Variants in ROBO2 observed in about 807,000 individuals in gnomAD.
The protein encoded by ROBO2 is roundabout homolog 2.
In ROBO2, 53 loss-of-function variants were observed where a neutral mutation model predicts 160.8. The ratio of observed to expected loss-of-function variants is 0.33; its 90% confidence interval spans 0.26 to 0.41. ROBO2 has a LOEUF of 0.41. Among genes scored for constraint, ROBO2 ranks in the 10% least tolerant of loss-of-function variants. The pLI is 1.00. For missense variants in ROBO2, 1,577 were observed against 1,722.4 expected (o/e 0.92, Z 1.49); for synonymous variants, 664 against 611.7 (o/e 1.09, Z -1.26).
intron 2 of ROBO2, among the ~76,000 whole-genome samples, chr3:76,992,333 ATATATATATATATATATATAT>A (rs1578106821): frequency 4.4e-5 from 2 of 45,572 alleles, no homozygotes; most frequent in East Asian, 4.6e-3. Context: ...TACTATATAT[ATATATATATATATATATATAT>A]ATATATATAT....
intron 2 of ROBO2, among the ~76,000 whole-genome samples, chr3:77,238,091 T>G (rs1423884438): frequency 6.6e-6 from 1 of 151,928 alleles, no homozygotes; most frequent in Admixed American, 6.6e-5. Flanking sequence ...GATTTTTTTT[T>G]GCTGTTGAGA....
chr3:76,084,593 G>A (rs554157200), intron 2 of ROBO2, among the ~76,000 whole-genome samples: 8 of 152,030 alleles, frequency 5.3e-5, no homozygotes, highest in Non-Finnish European at 1.0e-4. Context: ...GTACTGACCC[G>A]AATTTGGCTA....
chr3:76,652,182 C>A (rs2091284219), intron 2 of ROBO2, among the ~76,000 whole-genome samples: 1 of 152,176 alleles, frequency 6.6e-6, no homozygotes, highest in Non-Finnish European at 1.5e-5. Context: ...ATGATTTTAT[C>A]TTCTTCTGAC....
chr3:76,231,918 A>G (rs1038016275), intron 2 of ROBO2, among the ~76,000 whole-genome samples: 3 of 152,250 alleles, frequency 2.0e-5, no homozygotes, highest in Admixed American at 1.3e-4. Flanking sequence ...CAATAAAAAT[A>G]CTTGATAATT....
chr3:76,756,698 C>T lies in ROBO2; in HGVS notation c.110-341316C>T, dbSNP rs1045929820. Among the ~76,000 whole-genome samples the T allele has an allele frequency of 6.6e-5, 10 of 151,804 alleles. No homozygotes were observed. The South Asian group carries it at 1.9e-3, about 28-fold the overall frequency. On this transcript the variant is annotated intron_variant, in intron 2 of 26. Transcript: ENST00000487694. The stretch of plus-strand genomic sequence containing the variant: ...GTATGTTTTCCTACTGGATAGCGGC[C>T]GGGAGTACTCCACCTAAGACCGCAT...
chr3:77,476,258 C>T (rs1327491839), intron 2 of ROBO2, among the ~76,000 whole-genome samples: 2 of 152,172 alleles, frequency 1.3e-5, no homozygotes, highest in African/African-American at 4.8e-5. Flanking sequence ...ACACGGAAGG[C>T]AGTTGGTTTG....
intron 2 of ROBO2, among the ~76,000 whole-genome samples, chr3:76,489,477 C>T (rs1420983132): frequency 1.3e-5 from 2 of 152,056 alleles, no homozygotes; most frequent in Non-Finnish European, 1.5e-5. Flanking sequence ...CAAAGTTAAA[C>T]CACACAGTGA....
At chr3:77,370,594 A>C (rs1044001137) in intron 2 of ROBO2, among the ~76,000 whole-genome samples, 4 of 152,206 alleles carry the variant, frequency 2.6e-5, no homozygotes, top group African/African-American at 9.6e-5. Flanking sequence ...GCTTTAGAGG[A>C]GGGATCAGCA....
At chr3:76,181,633 A>G (rs563125394) in intron 2 of ROBO2, among the ~76,000 whole-genome samples, 2 of 152,172 alleles carry the variant, frequency 1.3e-5, no homozygotes, top group Non-Finnish European at 2.9e-5. Context: ...TCAAATAATT[A>G]CTAAGATTCC....
chr3:77,244,895 A>C (rs1357000351), intron 2 of ROBO2, among the ~76,000 whole-genome samples: 2 of 151,058 alleles, frequency 1.3e-5, no homozygotes, highest in South Asian at 4.2e-4. Flanking sequence ...AAAAAAAGAA[A>C]AAAAGAAAGA....
intron 2 of ROBO2, among the ~76,000 whole-genome samples, chr3:75,972,619 T>A (rs937775429): frequency 2.6e-5 from 4 of 151,660 alleles, no homozygotes; most frequent in Admixed American, 2.6e-4. Flanking sequence ...AGGGCATAAT[T>A]TTCTTGAATT....
At chr3:77,623,118 C>T (rs1291838536) in intron 23 of ROBO2, among the ~76,000 whole-genome samples, 1 of 152,058 alleles carries the variant, frequency 6.6e-6, no homozygotes, top group Admixed American at 6.6e-5. Context: ...TTAAATGTAC[C>T]AATTTTTTTA....
chr3:75,984,684 C>G (rs1303563007), intron 2 of ROBO2, among the ~76,000 whole-genome samples: 1 of 151,436 alleles, frequency 6.6e-6, no homozygotes, highest in Non-Finnish European at 1.5e-5. Context: ...TATTCGCACA[C>G]TTAATTCTTG....
intron 2 of ROBO2, among the ~76,000 whole-genome samples, chr3:76,270,238 T>C (rs974301546): frequency 6.6e-6 from 1 of 152,104 alleles, no homozygotes; most frequent in African/African-American, 2.4e-5. Context: ...CCAAAAGGAA[T>C]ATTTAAGACA....
At chr3:76,578,461 CAGG>C (rs1350197490) in intron 2 of ROBO2, among the ~76,000 whole-genome samples, 1 of 152,136 alleles carries the variant, frequency 6.6e-6, no homozygotes, top group Non-Finnish European at 1.5e-5. Flanking sequence ...TCCCTGCTCC[CAGG>C]GCTACTCTAC....
At chr3:75,989,838 C>A (rs1347008271) in intron 2 of ROBO2, among the ~76,000 whole-genome samples, 1 of 152,226 alleles carries the variant, frequency 6.6e-6, no homozygotes, top group Non-Finnish European at 1.5e-5. Flanking sequence ...GCGTAACACA[C>A]ATTCTGTGAT....
chr3:76,483,770 G>T (rs945146334), intron 2 of ROBO2, among the ~76,000 whole-genome samples: 4 of 151,980 alleles, frequency 2.6e-5, no homozygotes, highest in Non-Finnish European at 2.9e-5. Context: ...ATGTGTCCAT[G>T]AGTTCTCATC....
At chr3:76,462,424 G>A (rs1403403799) in intron 2 of ROBO2, among the ~76,000 whole-genome samples, 8 of 152,040 alleles carry the variant, frequency 5.3e-5, no homozygotes, top group South Asian at 2.1e-4. Flanking sequence ...GTATATGGAC[G>A]TGTATATGAC....
At chr3:77,510,001 T>A (rs1244975173) in intron 5 of ROBO2, among the ~76,000 whole-genome samples, 1 of 151,896 alleles carries the variant, frequency 6.6e-6, no homozygotes, top group African/African-American at 2.4e-5. Context: ...AGGCTCAGCA[T>A]ATGCAGGGAT....
Sources: gnomAD v4.1 joint callset for allele counts (sites outside exome capture counted in the v4.1 genomes callset) on GRCh38, gnomAD v4.1.1 for gene constraint, MANE v1.5 for transcripts, NCBI Gene and HGNC (gene_info 2026-07-23, HGNC 2026-07-21) for gene names.